SCAPER: variants seen among roughly 807,000 people sequenced by gnomAD.
SCAPER encodes the protein S-phase cyclin A associated protein in the ER, also known as S phase cyclin A-associated protein in the endoplasmic reticulum.
In SCAPER, 98 loss-of-function variants were observed where a neutral mutation model predicts 182.2. The observed-to-expected ratio is 0.54, with a 90% CI of 0.46 to 0.64. The LOEUF is 0.64. Among genes scored for constraint, SCAPER ranks in the 30% least tolerant of loss-of-function variants. The pLI, the probability that SCAPER is intolerant of heterozygous loss-of-function variation, is 0.00. For synonymous variants in SCAPER, 605 were observed against 564.6 expected, an observed-to-expected ratio of 1.07 and a Z score of -1.01; for missense variants, 1,432 against 1,690.0, an observed-to-expected ratio of 0.85 and a Z score of 2.68.
intron 20 of SCAPER, among the ~76,000 whole-genome samples, chr15:76,674,519 AAATG>A (rs2057247365): frequency 6.6e-6 from 1 of 152,204 alleles, no homozygotes; most frequent in South Asian, 2.1e-4. Context: ...CATCAATGGA[AAATG>A]AATGCATACT....
chr15:76,534,639 T>G (rs776091636), intron 23 of SCAPER, among the ~76,000 whole-genome samples: 8 of 152,340 alleles, frequency 5.3e-5, no homozygotes, highest in Non-Finnish European at 1.0e-4. Flanking sequence ...TCCCATTCTT[T>G]CATTTCCTCT....
At position 76,348,595 on chromosome 15, in the gene SCAPER, T is replaced by G; in HGVS notation, c.*38A>C. ...ATGTTTGTTTGGACAATTTAAAATA[T>G]TAACAAGGGTACTCAAATACAGAAT... is the stretch of plus-strand genomic sequence containing the variant. On this transcript the variant is annotated 3_prime_UTR_variant, in exon 32 of 32. Coordinates refer to ENST00000563290, the MANE Select transcript of SCAPER (RefSeq NM_020843.4). The G allele has an allele frequency of 7.5e-7, 1 of 1,326,166 alleles. No individual in the cohort carries two copies. Among genetic ancestry groups the G allele is most frequent in the East Asian group, 2.5e-5 (1 of 39,722 alleles). The allele number at this position is 1,326,166 out of a possible 1,614,324, so 82.1% of individuals were successfully genotyped here.
At position 76,841,756 on chromosome 15, in the gene SCAPER, T is replaced by C. The variant is rs1350417910; in HGVS notation, c.371A>G (p.Asp124Gly). The change falls in exon 5 of 32, where the codon GAT becomes GGT. Residue 124 changes from aspartate to glycine, a missense_variant. Physicochemically the swap from Asp to Gly is moderately conservative, Grantham distance 94 (BLOSUM62 -1). Transcript: ENST00000563290. The part of the protein sequence containing the change: ...VDEIYVTCES[D>G]QSVVECKEVL... ...TACCTTACATTCGACCACACTCTGA[T>C]CTGATTCGCAAGTTACATAGATTTC... 1 of 1,613,896 alleles carries C rather than the reference T, an allele frequency of 6.2e-7. No homozygotes were observed. Among genetic ancestry groups the C allele is most frequent in the Non-Finnish European group, 8.5e-7 (1 of 1,179,860 alleles).
chr15:76,397,009 T>C (rs1031178544), intron 27 of SCAPER, among the ~76,000 whole-genome samples: 2 of 102,596 alleles, frequency 1.9e-5, no homozygotes, highest in African/African-American at 1.3e-4. Context: ...TTTTGAGAGT[T>C]TTTTTTTTTT....
intron 20 of SCAPER, among the ~76,000 whole-genome samples, chr15:76,671,114 G>A (rs1329179763): frequency 6.6e-6 from 1 of 152,046 alleles, no homozygotes; most frequent in Non-Finnish European, 1.5e-5. Context: ...GCAGAGGCGG[G>A]TGGATCGTCG....
chr15:76,819,156 G>A (rs1434018485), intron 5 of SCAPER, among the ~76,000 whole-genome samples: 1 of 152,228 alleles, frequency 6.6e-6, no homozygotes, highest in Non-Finnish European at 1.5e-5. Flanking sequence ...CTCCACATCT[G>A]GGGGCAGGGC....
intron 17 of SCAPER, among the ~76,000 whole-genome samples, chr15:76,728,090 T>G (rs1046724692): frequency 1.3e-5 from 2 of 152,092 alleles, no homozygotes; most frequent in African/African-American, 4.8e-5. Flanking sequence ...AAAAGGGACT[T>G]AGGCTTGGCC....
intron 24 of SCAPER, among the ~76,000 whole-genome samples, chr15:76,501,326 T>A: frequency 6.9e-6 from 1 of 143,986 alleles, no homozygotes; most frequent in African/African-American, 2.6e-5. Flanking sequence ...CAGAAGTAGG[T>A]ATAACTCTCA....
intron 26 of SCAPER, among the ~76,000 whole-genome samples, chr15:76,413,267 T>C (rs1363389672): frequency 6.6e-6 from 1 of 152,190 alleles, no homozygotes; most frequent in Admixed American, 6.5e-5. Context: ...AATACAATGC[T>C]GAATAGAAGT....
intron 24 of SCAPER, among the ~76,000 whole-genome samples, chr15:76,475,799 T>C (rs999810169): frequency 1.3e-5 from 2 of 152,174 alleles, no homozygotes; most frequent in Non-Finnish European, 2.9e-5. Flanking sequence ...TGGGGGTGTG[T>C]TCCTTTGTGA....
chr15:76,545,059 A>G (rs1027532633), intron 23 of SCAPER, among the ~76,000 whole-genome samples: 2 of 152,168 alleles, frequency 1.3e-5, no homozygotes, highest in African/African-American at 4.8e-5. Flanking sequence ...TAACTTACCA[A>G]TTTTTAGAAT....
chr15:76,537,550 C>T (rs994896500), intron 23 of SCAPER, among the ~76,000 whole-genome samples: 8 of 152,028 alleles, frequency 5.3e-5, no homozygotes, highest in African/African-American at 1.9e-4. Flanking sequence ...TTCCTTACAC[C>T]TTATACAAAA....
intron 10 of SCAPER, among the ~76,000 whole-genome samples, chr15:76,768,839 A>ATT: frequency 6.7e-6 from 1 of 150,092 alleles, no homozygotes; most frequent in East Asian, 1.9e-4. Flanking sequence ...AAAAAAAAAA[A>ATT]ATATATATAT....
At chr15:76,748,238 C>T (rs1016942890) in intron 15 of SCAPER, among the ~76,000 whole-genome samples, 4 of 152,094 alleles carry the variant, frequency 2.6e-5, no homozygotes, top group Admixed American at 2.6e-4. Context: ...GATCTGCCCA[C>T]CTCGGCCTCC....
At chr15:76,430,508 A>C (rs1256190288) in intron 26 of SCAPER, among the ~76,000 whole-genome samples, 1 of 152,212 alleles carries the variant, frequency 6.6e-6, no homozygotes, top group Non-Finnish European at 1.5e-5. Context: ...TGTGACCTGG[A>C]TGTGAGACAT....
rs931229812 is a variant in SCAPER at position 76,900,365 on chromosome 15, AAAAT to A, written c.-60+4930_-60+4933del. Among the ~76,000 whole-genome samples the A allele has an allele frequency of 5.1e-3, 774 of 151,060 alleles. 5 individuals carry two copies. The highest frequency in any genetic ancestry group is 0.017 in the African/African-American group (706 of 41,050). ...ACTAAAAAAAAAAAAAAAAAAGACAAAAATAAATAAATACATACATACATACAAA... is the reference window on the plus strand; with the variant it reads ...ACTAAAAAAAAAAAAAAAAAAGACAAAAATAAATACATACATACATACAAA... On this transcript the variant is annotated intron_variant, in intron 1 of 31. Coordinates refer to ENST00000563290, the MANE Select transcript of SCAPER (RefSeq NM_020843.4).
At chr15:76,753,787 T>C in intron 15 of SCAPER, 21 bp downstream of exon 15, 2 of 1,600,506 alleles carry the variant, frequency 1.2e-6, no homozygotes, top group South Asian at 1.1e-5. Flanking sequence ...TAAGTCAACA[T>C]TTAAAGCTCT....
At chr15:76,688,979 G>C (rs113725545) in intron 20 of SCAPER, among the ~76,000 whole-genome samples, 2,371 of 151,026 alleles carry the variant, frequency 0.016, 47 homozygotes, top group African/African-American at 0.047. Flanking sequence ...CTCCAGAGTA[G>C]CTGGGACTAC....
At chr15:76,605,618 C>T (rs1012012188) in intron 22 of SCAPER, among the ~76,000 whole-genome samples, 1 of 152,108 alleles carries the variant, frequency 6.6e-6, no homozygotes, top group Non-Finnish European at 1.5e-5. Context: ...CTCTTTGTAC[C>T]TCTGGTAGAA....
Sources: gnomAD v4.1 joint callset for allele counts (sites outside exome capture counted in the v4.1 genomes callset) on GRCh38, gnomAD v4.1.1 for gene constraint, MANE v1.5 for transcripts, NCBI Gene and HGNC (gene_info 2026-07-23, HGNC 2026-07-21) for gene names.